PRH1: variants seen among roughly 807,000 people sequenced by gnomAD.
The protein encoded by PRH1 is salivary acidic proline-rich phosphoprotein 1/2.
In PRH1, 7 loss-of-function variants were observed where a neutral mutation model predicts 7.9. The observed-to-expected ratio is 0.89, with a 90% CI of 0.50 to 1.67. The LOEUF (loss-of-function observed/expected upper bound fraction) is 1.67, where lower values mean the gene tolerates loss of function less well. PRH1 is among the 40% of genes most tolerant of loss of function. The pLI is 0.00. For missense variants in PRH1, 109 were observed against 223.6 expected (o/e 0.49, Z 3.27); for synonymous variants, 45 against 80.8 (o/e 0.56, Z 2.38).
At chr12:10,884,065 CCTCCT>C in intron 1 of PRH1, 84 bp downstream of exon 1, 2 of 1,506,908 alleles carry the variant, frequency 1.3e-6, no homozygotes, top group Non-Finnish European at 1.8e-6. Context: ...GTTTTCTCAT[CCTCCT>C]CTCTTCCCTC....
At chr12:11,120,806 A>C (rs13303054), downstream of PRH1, 1 of 152,246 alleles carries the variant, frequency 6.6e-6, no homozygotes, top group Non-Finnish European at 1.5e-5. Flanking sequence ...CCACTATTTC[A>C]CGTAGAATAG....
intron 1 of PRH1, among the ~76,000 whole-genome samples, chr12:11,163,193 A>T (rs929041180): frequency 1.2e-5 from 1 of 80,454 alleles, no homozygotes; most frequent in East Asian, 2.7e-3. Context: ...AAAAGCAATT[A>T]AAAAAGGAAA....
chr12:11,030,119 A>T (rs79109249), intron 1 of PRH1, among the ~76,000 whole-genome samples: 53 of 17,854 alleles, frequency 3.0e-3, no homozygotes, highest in East Asian at 0.021. Context: ...CATGGCTTCA[A>T]AATTCTAAGA....
At chr12:10,989,801 A>G (rs1375254738) in intron 1 of PRH1, among the ~76,000 whole-genome samples, 1 of 152,232 alleles carries the variant, frequency 6.6e-6, no homozygotes, top group Non-Finnish European at 1.5e-5. Context: ...CACTGAAGAC[A>G]TGATTCCATT....
At chr12:11,147,841 G>C (rs1023392234) in intron 1 of PRH1, among the ~76,000 whole-genome samples, 4 of 152,232 alleles carry the variant, frequency 2.6e-5, no homozygotes, top group South Asian at 2.1e-4. Flanking sequence ...TTGTTAGCTT[G>C]ATGGGGATGG....
chr12:11,119,041 A>G (rs1817011705), downstream of PRH1, among the ~76,000 whole-genome samples: 1 of 151,828 alleles, frequency 6.6e-6, no homozygotes. Flanking sequence ...AATGTGGTAC[A>G]TATACACAGT....
Position 11,036,336 on chromosome 12 carries a change from C to G in PRH1, c.-126+10684G>C, listed in dbSNP as rs537982042. On this transcript the variant is annotated intron_variant, in intron 1 of 3. Transcript: ENST00000539853. ...GACTTTAAGTCCCATGGAAACAAAA[C>G]TGAATCTGGTGCTTCTATGGAATTC... Among the ~76,000 whole-genome samples the G allele has an allele frequency of 2.3e-3, 357 of 152,318 alleles. 2 individuals are homozygous for G. The highest frequency in any genetic ancestry group is 8.3e-3 in the African/African-American group (346 of 41,556).
chr12:11,052,008 G>C (rs2599419), upstream of PRH1, among the ~76,000 whole-genome samples: 54,660 of 146,632 alleles, frequency 0.37, 6,026 homozygotes, highest in Non-Finnish European at 0.43. Flanking sequence ...AGAATTACAG[G>C]GTCCTTGATT....
rs534999010 is a variant in PRH1 at position 11,060,794 on chromosome 12, C to T, written n.124-13606G>A. Among the ~76,000 whole-genome samples, 25 of 152,320 alleles carry T rather than the reference C, an allele frequency of 1.6e-4. No homozygotes were observed. In the South Asian group the frequency reaches 5.0e-3, roughly 30 times the overall value. Reference sequence around the variant, plus strand: ...TGTTTTCTATCAATAATTCTGATTGCTTTTTACTAAACATAAAATAGGAAT... The same window carrying T: ...TGTTTTCTATCAATAATTCTGATTGTTTTTTACTAAACATAAAATAGGAAT... On this transcript the variant is annotated intron_variant and non_coding_transcript_variant, in intron 1 of 4. Coordinates refer to the PRH1 transcript ENST00000541977.
At chr12:11,065,059 A>G (rs1365959178) in intron 1 of PRH1, among the ~76,000 whole-genome samples, 2 of 152,086 alleles carry the variant, frequency 1.3e-5, no homozygotes, top group Admixed American at 1.3e-4. Context: ...TACTGATAAT[A>G]ATAATAATTT....
intron 1 of PRH1, among the ~76,000 whole-genome samples, chr12:11,025,252 A>T (rs976552905): frequency 6.6e-6 from 1 of 151,932 alleles, no homozygotes; most frequent in African/African-American, 2.4e-5. Flanking sequence ...ATTAATTTGT[A>T]ATGCTCCTTG....
At position 10,930,230 on chromosome 12, in the gene PRH1, T is replaced by G. The variant is rs200341233; in HGVS notation, c.-59+43425A>C. 6.2e-5 allele frequency: 100 copies of G among 1,603,302 alleles called. No individual in the cohort carries two copies. The Middle Eastern group carries it at 6.6e-4, about 11-fold the overall frequency. ...AACACTATGAGCTCTGAATGATTCA[T>G]GCAGTAACTTTTCCCATCATCCTGT... On this transcript the variant is annotated intron_variant, in intron 2 of 3. Transcript: ENST00000539853.
At chr12:10,920,482 C>T (rs891330923) in intron 2 of PRH1, among the ~76,000 whole-genome samples, 1 of 152,032 alleles carries the variant, frequency 6.6e-6, no homozygotes, top group African/African-American at 2.4e-5. Flanking sequence ...AAACACTTTT[C>T]TGAGACTTAG....
chr12:10,912,638 C>T (rs930141704), intron 2 of PRH1, among the ~76,000 whole-genome samples: 6 of 151,800 alleles, frequency 4.0e-5, no homozygotes, highest in African/African-American at 2.4e-5. Context: ...TCCTGGCATA[C>T]GTTTTCCTCT....
intron 1 of PRH1, among the ~76,000 whole-genome samples, chr12:11,100,497 T>C (rs1262818123): frequency 1.3e-5 from 2 of 152,218 alleles, no homozygotes; most frequent in Non-Finnish European, 2.9e-5. Flanking sequence ...TCTCAAAATG[T>C]CATTTCAATT....
rs139730586 is a variant in PRH1 at position 11,111,080 on chromosome 12, A to G, written n.123+60342T>C. Among the ~76,000 whole-genome samples the G allele has an allele frequency of 3.9e-3, 596 of 152,370 alleles. 1 individual carries two copies. Among genetic ancestry groups the G allele is most frequent in the African/African-American group, 0.014 (565 of 41,582 alleles). On this transcript the variant is annotated intron_variant and non_coding_transcript_variant, in intron 1 of 4. Coordinates refer to the PRH1 transcript ENST00000541977. ...AGGAGAATTACATAATGGTAAAGGA[A>G]TCAACGCAACAAGAAGAGCTAACTA...
chr12:10,964,762 G>A, intron 2 of PRH1: 1 of 650,674 alleles, frequency 1.5e-6, no homozygotes, highest in Non-Finnish European at 2.7e-6. Context: ...AACAGATTAA[G>A]AGCAGAAAAG....
intron 2 of PRH1, among the ~76,000 whole-genome samples, chr12:10,902,673 C>G (rs1949739628): frequency 6.6e-6 from 1 of 152,120 alleles, no homozygotes; most frequent in Admixed American, 6.6e-5. Context: ...GTATATAGCT[C>G]AGCAGAAACC....
chr12:10,974,511 G>A (rs1938995145), intron 1 of PRH1, among the ~76,000 whole-genome samples: 1 of 152,108 alleles, frequency 6.6e-6, no homozygotes, highest in Non-Finnish European at 1.5e-5. Flanking sequence ...CATTCAGCGC[G>A]GGAGTGCTGA....
Sources: allele counts gnomAD v4.1 joint callset (sites outside exome capture counted in the v4.1 genomes callset), GRCh38; gene constraint gnomAD v4.1.1; transcripts MANE v1.5; gene names NCBI Gene and HGNC (gene_info 2026-07-23, HGNC 2026-07-21).